Variants in COL4A1 observed in about 807,000 individuals in gnomAD.
COL4A1 encodes collagen type IV alpha 1 chain.
In COL4A1, 40 loss-of-function variants were observed where a neutral mutation model predicts 216.6. That is an observed-to-expected ratio of 0.18 (90% CI 0.14 to 0.24). COL4A1 has a LOEUF of 0.24. Ranked by LOEUF, COL4A1 falls within the 10% of genes least tolerant of loss-of-function variation. The pLI, the probability that COL4A1 is intolerant of heterozygous loss-of-function variation, is 1.00. For missense variants in COL4A1, 1,628 were observed against 2,196.8 expected (o/e 0.74, Z 5.18); for synonymous variants, 839 against 810.7 (o/e 1.03, Z -0.59).
intron 1 of COL4A1, among the ~76,000 whole-genome samples, chr13:110,281,726 CA>C (rs1467807215): frequency 6.6e-6 from 1 of 152,180 alleles, no homozygotes; most frequent in Admixed American, 6.5e-5. Context: ...TGAATTTTCA[CA>C]AAATAAGGGA....
At chr13:110,157,244 G>A (rs1252165179) in intron 49 of COL4A1, among the ~76,000 whole-genome samples, 2 of 152,294 alleles carry the variant, frequency 1.3e-5, no homozygotes, top group South Asian at 2.1e-4. Context: ...CGGTCTTTTC[G>A]TCAGAGCAAT....
At chr13:110,190,350 C>T (rs751178384) in intron 24 of COL4A1, among the ~76,000 whole-genome samples, 7 of 152,126 alleles carry the variant, frequency 4.6e-5, no homozygotes, top group Admixed American at 6.5e-5. Flanking sequence ...CTGACACCTA[C>T]GCTGTCTGCC....
In COL4A1 at chr13:110,178,143, T is replaced by A; in HGVS notation, c.2547A>T (p.Gly849=). Residue 849 remains glycine, a synonymous_variant, in exon 32 of 52, where the codon GGA becomes GGT. Transcript: ENST00000375820. ...PGPKGDKGAQ[G]LPGITGQSGL... ...CCGACTGTCCCGTTATGCCAGGGAG[T>A]CCTTGAGCCCCTTTATCTCCTTTAG... 6.2e-7 allele frequency: 1 copy of A among 1,613,964 alleles called. No homozygotes were observed. The highest frequency in any genetic ancestry group is 8.5e-7 in the Non-Finnish European group (1 of 1,179,986).
At chr13:110,275,353 A>T (rs891317226) in intron 1 of COL4A1, among the ~76,000 whole-genome samples, 1 of 152,244 alleles carries the variant, frequency 6.6e-6, no homozygotes, top group Non-Finnish European at 1.5e-5. Context: ...AATCAATGAG[A>T]TACCAGTACA....
Position 110,219,652 on chromosome 13 carries a change from A to ATATATATATGTATATATATATATATGTG in COL4A1, c.145-5665_145-5638dup, listed in dbSNP as rs1479407346. Reference sequence around the variant, plus strand: ...TAAGCCCATTGTAAGTTGAAAATATATATATATATGTATATATATATATAT... The same window carrying ATATATATATGTATATATATATATATGTG: ...TAAGCCCATTGTAAGTTGAAAATATATATATATATGTATATATATATATATGTGTATATATATGTATATATATATATAT... On this transcript the variant is annotated intron_variant, in intron 2 of 51. Transcript: ENST00000375820. Among the ~76,000 whole-genome samples the ATATATATATGTATATATATATATATGTG allele has an allele frequency of 3.6e-4, 41 of 113,332 alleles. 1 individual carries two copies. The highest frequency in any genetic ancestry group is 1.4e-3 in the African/African-American group (40 of 28,884). 74.4% of individuals were successfully genotyped at this position (113,332 alleles called of 152,430 possible).
At position 110,212,445 on chromosome 13, in the gene COL4A1, G is replaced by A. The variant is rs1390053200; in HGVS notation, c.359C>T (p.Pro120Leu). The A allele has an allele frequency of 6.2e-7, 1 of 1,614,026 alleles. No individual in the cohort carries two copies. Among genetic ancestry groups the A allele is most frequent in the Non-Finnish European group, 8.5e-7 (1 of 1,180,024 alleles). The change falls in exon 6 of 52, where the codon CCA (proline) becomes CTA (leucine). Residue 120 changes from proline to leucine, a missense_variant. Pro to Leu is a moderately conservative substitution (Grantham distance 98). Coordinates refer to ENST00000375820, the MANE Select transcript of COL4A1 (RefSeq NM_001845.6). ...TGTGCCATTGCATCCTGGAATACCT[G>A]GGGGGCCTGGCGGGCCGTCTTGGCC... ...IPGQDGPPGP[P>L]GIPGCNGTKG...
rs577114057 is a variant in COL4A1, at chr13:110,297,757, T to C, written c.84+9187A>G. Among the ~76,000 whole-genome samples, 59 of 152,338 alleles carry C rather than the reference T, an allele frequency of 3.9e-4. 1 individual carries two copies. The South Asian group carries it at 0.012, about 31-fold the overall frequency. On this transcript the variant is annotated intron_variant, in intron 1 of 51. Coordinates refer to ENST00000375820, the MANE Select transcript of COL4A1 (RefSeq NM_001845.6). Reference sequence around the variant, plus strand: ...CAGGCACATGTCCGAATGCAAAGTATAAGAACAATTCCAACCACCTGCATA... The same window carrying C: ...CAGGCACATGTCCGAATGCAAAGTACAAGAACAATTCCAACCACCTGCATA...
chr13:110,307,070 G>T lies in COL4A1; in HGVS notation c.-43C>A, dbSNP rs918450416. The stretch of plus-strand genomic sequence containing the variant: ...GGCGAGGGACGGCTGCCCGGCGTGC[G>T]GGGGCCGCGGCGGACAGCTAGCTCT... On this transcript the variant is annotated 5_prime_UTR_variant, in exon 1 of 52. Transcript: ENST00000375820. The surrounding 1 kb of genome is among the most constrained non-coding windows in gnomAD (Gnocchi z 5.0). 2.1e-5 allele frequency: 29 copies of T among 1,389,678 alleles called. No individual in the cohort carries two copies. Among genetic ancestry groups the T allele is most frequent in the Non-Finnish European group, 2.6e-5 (28 of 1,066,552 alleles). 86.1% of individuals were successfully genotyped at this position (1,389,678 alleles called of 1,614,324 possible). A position where few individuals can be genotyped will look rare whatever the true frequency, so the allele number is the denominator to read the frequency against.
chr13:110,158,522 T>C (rs947047110), intron 49 of COL4A1, among the ~76,000 whole-genome samples: 12 of 152,214 alleles, frequency 7.9e-5, no homozygotes, highest in African/African-American at 2.9e-4. Flanking sequence ...CCTTTTCCCT[T>C]TTCTGTTGAA....
intron 16 of COL4A1, 36 bp downstream of exon 16, chr13:110,205,458 T>G: frequency 1.9e-6 from 3 of 1,607,090 alleles, no homozygotes; most frequent in Non-Finnish European, 2.5e-6. Context: ...GTAGGAACAG[T>G]GAGCCTGCTT....
Position 110,261,035 on chromosome 13 carries a change from T to TAAAAAAAAAAAAAAAAAAAA in COL4A1, c.85-18302_85-18301insTTTTTTTTTTTTTTTTTTTT, listed in dbSNP as rs1303970828. Among the ~76,000 whole-genome samples, 2 of 42,182 alleles carry TAAAAAAAAAAAAAAAAAAAA rather than the reference T, an allele frequency of 4.7e-5. 1 individual carries two copies. The allele number at this position is 42,182 out of a possible 152,430, so 27.7% of individuals were successfully genotyped here. A position where few individuals can be genotyped will look rare whatever the true frequency, so the allele number is the denominator to read the frequency against. On this transcript the variant is annotated intron_variant, in intron 1 of 51. Transcript: ENST00000375820. ...CTGGGTGACAGAGCGAGACTCCGTC[T>TAAAAAAAAAAAAAAAAAAAA]CAAAAAAAAAAAAAAAAAAGGCCAA...
intron 1 of COL4A1, among the ~76,000 whole-genome samples, chr13:110,304,051 G>C (rs1181961374): frequency 6.6e-6 from 1 of 152,198 alleles, no homozygotes; most frequent in Non-Finnish European, 1.5e-5. Flanking sequence ...ATAATATATA[G>C]CATTGATAAT....
At chr13:110,167,259 T>G (rs774810742) in intron 43 of COL4A1, 29 bp from the exon 44 acceptor site, 14 of 1,556,846 alleles carry the variant, frequency 9.0e-6, no homozygotes, top group Non-Finnish European at 1.2e-5. Context: ...GGTTGGGAAT[T>G]GCTCAGGATA....
chr13:110,157,544 G>A (rs931814981), intron 49 of COL4A1, among the ~76,000 whole-genome samples: 2 of 152,218 alleles, frequency 1.3e-5, no homozygotes, highest in Admixed American at 6.5e-5. Context: ...CTACGAGAGG[G>A]AAGTAGAGGC....
At position 110,244,984 on chromosome 13, in the gene COL4A1, G is replaced by A. The variant is rs73615405; in HGVS notation, c.85-2250C>T. Among the ~76,000 whole-genome samples, 736 of 152,262 alleles carry A rather than the reference G, an allele frequency of 4.8e-3. 5 individuals carry two copies. Among genetic ancestry groups the A allele is most frequent in the African/African-American group, 0.017 (698 of 41,542 alleles). Reference sequence around the variant, plus strand: ...ACCCAATTATGGTTGTATTCTTGGTGCTGTTACTGGTGTTACCCATCTAAG... The same window carrying A: ...ACCCAATTATGGTTGTATTCTTGGTACTGTTACTGGTGTTACCCATCTAAG... On this transcript the variant is annotated intron_variant, in intron 1 of 51. Transcript: ENST00000375820.
At position 110,211,392 on chromosome 13, in the gene COL4A1, C is replaced by G. The variant is rs573543241; in HGVS notation, c.468+255G>C. The stretch of plus-strand genomic sequence containing the variant: ...GCCTCCCCAGTTTGGGTGAAGTGAG[C>G]CTTCGCCACCACACCAGGCCTCCTT... On this transcript the variant is annotated intron_variant, in intron 8 of 51. Transcript: ENST00000375820. This position sits in a 1 kb window ranked among gnomAD's most constrained non-coding sequence, Gnocchi z 4.3. 2.6e-5 allele frequency among the ~76,000 whole-genome samples: 4 copies of G among 152,348 alleles called. No individual in the cohort carries two copies. The South Asian group carries it at 8.3e-4, about 32-fold the overall frequency.
At chr13:110,173,575 T>C (rs1355183459) in intron 40 of COL4A1, among the ~76,000 whole-genome samples, 3 of 152,214 alleles carry the variant, frequency 2.0e-5, no homozygotes, top group Non-Finnish European at 4.4e-5. Context: ...TTTGCTTTGC[T>C]TTGTTTTGTC....
chr13:110,205,895 G>C (rs116920050), intron 15 of COL4A1, among the ~76,000 whole-genome samples: 11 of 151,810 alleles, frequency 7.2e-5, no homozygotes, highest in African/African-American at 2.7e-4. Context: ...ATATAATAAC[G>C]GATATAACAC....
At chr13:110,303,704 C>T (rs1320889625) in intron 1 of COL4A1, among the ~76,000 whole-genome samples, 1 of 152,212 alleles carries the variant, frequency 6.6e-6, no homozygotes, top group Non-Finnish European at 1.5e-5. Context: ...TATAGCCCTT[C>T]GATTCCCCTG....
Sources: gnomAD v4.1 joint callset for allele counts (sites outside exome capture counted in the v4.1 genomes callset) on GRCh38, gnomAD v4.1.1 for gene constraint, Gnocchi (gnomAD v3.1) non-coding constraint, MANE v1.5 for transcripts, NCBI Gene and HGNC (gene_info 2026-07-23, HGNC 2026-07-21) for gene names.